Variants in SHANK2 observed in about 807,000 individuals in gnomAD.
SHANK2 encodes SH3 and multiple ankyrin repeat domains 2.
A neutral mutation model predicts 133.7 loss-of-function variants in SHANK2; 43 were observed. The ratio of observed to expected loss-of-function variants is 0.32; its 90% CI spans 0.25 to 0.41. The LOEUF (loss-of-function observed/expected upper bound fraction) is 0.41. Ranked by LOEUF, SHANK2 falls within the 10% of genes least tolerant of loss-of-function variation. The pLI, the probability that SHANK2 is intolerant of heterozygous loss-of-function variation, is 1.00. For missense variants in SHANK2, 1,994 were observed against 2,235.8 expected (o/e 0.89, Z 2.18); for synonymous variants, 1,017 against 952.8 (o/e 1.07, Z -1.24).
chr11:70,618,055 T>TG (rs1404881682), intron 17 of SHANK2, among the ~76,000 whole-genome samples: 5 of 152,042 alleles, frequency 3.3e-5, no homozygotes, highest in African/African-American at 9.7e-5. Context: ...CTCAGCACTT[T>TG]GGGGGGCGAG....
chr11:70,474,164 G>A (rs369658963), intron 25 of SHANK2: 3 of 157,052 alleles, frequency 1.9e-5, no homozygotes, highest in East Asian at 1.8e-4. Flanking sequence ...ACTGTCCAGC[G>A]CCCACCCAGT....
At chr11:70,636,512 TGAG>T (rs2061090465) in intron 17 of SHANK2, among the ~76,000 whole-genome samples, 1 of 148,012 alleles carries the variant, frequency 6.8e-6, no homozygotes, top group African/African-American at 2.5e-5. Flanking sequence ...CGAGGATGCA[TGAG>T]AATGTGTGAA....
chr11:70,641,373 A>T (rs577537040), intron 17 of SHANK2, among the ~76,000 whole-genome samples: 1 of 152,144 alleles, frequency 6.6e-6, no homozygotes, highest in Non-Finnish European at 1.5e-5. Context: ...GATTACAGGC[A>T]TAAGCCACTG....
chr11:70,661,940 C>A, intron 15 of SHANK2: 2 of 846,106 alleles, frequency 2.4e-6, no homozygotes, highest in Admixed American at 2.0e-5. Context: ...AGGAAGGAGT[C>A]ATACATGGTG....
intron 11 of SHANK2, among the ~76,000 whole-genome samples, chr11:70,839,761 C>A (rs1008295047): frequency 1.3e-5 from 2 of 152,172 alleles, no homozygotes; most frequent in African/African-American, 2.4e-5. Context: ...ACTCACCAGG[C>A]GGCTGAGTGA....
chr11:70,875,804 G>A (rs557707520), intron 11 of SHANK2, among the ~76,000 whole-genome samples: 39 of 151,580 alleles, frequency 2.6e-4, no homozygotes, highest in African/African-American at 7.8e-4. Context: ...CGCAGTTGGC[G>A]GTGAATGCAC....
intron 14 of SHANK2, among the ~76,000 whole-genome samples, chr11:70,780,724 C>T (rs1197456111): frequency 6.6e-6 from 1 of 152,056 alleles, no homozygotes; most frequent in African/African-American, 2.4e-5. Flanking sequence ...AGACGCCTGC[C>T]ACCATATCTG....
chr11:70,840,687 C>A (rs965559916), intron 11 of SHANK2, among the ~76,000 whole-genome samples: 1 of 152,192 alleles, frequency 6.6e-6, no homozygotes, highest in Non-Finnish European at 1.5e-5. Flanking sequence ...GCTATCAGGG[C>A]AGGGCTCTTC....
intron 17 of SHANK2, among the ~76,000 whole-genome samples, chr11:70,537,617 T>C (rs10899147): frequency 0.39 from 58,709 of 152,148 alleles, 12,063 homozygotes; most frequent in East Asian, 0.73. Flanking sequence ...GTCTGACTTC[T>C]GGCTCCCAGG....
chr11:70,507,614 C>G (rs913944697), intron 17 of SHANK2, among the ~76,000 whole-genome samples: 15 of 152,138 alleles, frequency 9.9e-5, no homozygotes, highest in African/African-American at 3.4e-4. Flanking sequence ...GCCATCCCGT[C>G]TGTCACCACT....
chr11:70,753,773 G>A (rs1946803454), intron 14 of SHANK2, among the ~76,000 whole-genome samples: 1 of 115,558 alleles, frequency 8.7e-6, no homozygotes, highest in East Asian at 2.4e-4. Context: ...ACTCACCTAG[G>A]AAGGAGATAA....
intron 8 of SHANK2, among the ~76,000 whole-genome samples, chr11:71,083,164 C>T (rs1438623160): frequency 6.6e-6 from 1 of 152,158 alleles, no homozygotes; most frequent in Admixed American, 6.5e-5. Context: ...TGGTTTTGAA[C>T]TTCTAGGCTC....
At chr11:70,769,440 T>C (rs782368377) in intron 14 of SHANK2, among the ~76,000 whole-genome samples, 16 of 151,824 alleles carry the variant, frequency 1.1e-4, no homozygotes, top group Non-Finnish European at 2.2e-4. Context: ...GCCACTGGGG[T>C]TTTCTATCTG....
chr11:71,112,995 T>C (rs925630272), intron 5 of SHANK2, among the ~76,000 whole-genome samples: 6 of 152,098 alleles, frequency 3.9e-5, no homozygotes, highest in Non-Finnish European at 8.8e-5. Flanking sequence ...ACGCCAGGCG[T>C]CCAGATCCCA....
intron 11 of SHANK2, among the ~76,000 whole-genome samples, chr11:70,860,970 C>A (rs1314227547): frequency 6.6e-6 from 1 of 152,250 alleles, no homozygotes; most frequent in Admixed American, 6.5e-5. Context: ...AGGGGATACT[C>A]TCTTCCCAGG....
At chr11:70,662,043 G>A (rs1944560185) in intron 15 of SHANK2, 4 of 516,084 alleles carry the variant, frequency 7.8e-6, no homozygotes, top group Admixed American at 6.5e-5. Flanking sequence ...CCCGAACGGC[G>A]GCGGCGGCAG....
At chr11:70,724,912 G>T (rs1946149239) in intron 14 of SHANK2, among the ~76,000 whole-genome samples, 1 of 152,224 alleles carries the variant, frequency 6.6e-6, no homozygotes, top group Non-Finnish European at 1.5e-5. Flanking sequence ...CAGGGGAGGA[G>T]ACATTTGAGA....
At chr11:70,577,125 G>C (rs1554984456) in intron 17 of SHANK2, among the ~76,000 whole-genome samples, 1 of 152,200 alleles carries the variant, frequency 6.6e-6, no homozygotes, top group African/African-American at 2.4e-5. Context: ...CCTCAGTCTG[G>C]ATACAGTGAC....
At chr11:70,938,255 T>C (rs1555083759) in intron 10 of SHANK2, among the ~76,000 whole-genome samples, 2 of 151,720 alleles carry the variant, frequency 1.3e-5, no homozygotes, top group Non-Finnish European at 2.9e-5. Context: ...TGGAGGGGGG[T>C]GTCCTGGGCA....
Sources: gnomAD v4.1 joint callset for allele counts (sites outside exome capture counted in the v4.1 genomes callset) on GRCh38, gnomAD v4.1.1 for gene constraint, MANE v1.5 for transcripts, NCBI Gene and HGNC (gene_info 2026-07-23, HGNC 2026-07-21) for gene names.